Variants in FBLN2 observed in about 807,000 individuals in gnomAD.
FBLN2 encodes fibulin 2.
Under a neutral mutation model 123.7 loss-of-function variants are expected in FBLN2, and 81 were observed. The observed-to-expected ratio is 0.65, with a 90% confidence interval of 0.55 to 0.79. The LOEUF (loss-of-function observed/expected upper bound fraction) is 0.79, where lower values mean the gene tolerates loss of function less well. FBLN2 is among the 30% of genes least tolerant of loss of function. The pLI, the probability that FBLN2 is intolerant of heterozygous loss-of-function variation, is 0.00. For synonymous variants in FBLN2, 699 were observed against 701.4 expected (o/e 1.00, Z 0.05); for missense variants, 1,603 against 1,681.3 (o/e 0.95, Z 0.81).
chr3:13,577,817 G>C (rs537532309), intron 2 of FBLN2, among the ~76,000 whole-genome samples: 2 of 152,352 alleles, frequency 1.3e-5, no homozygotes, highest in African/African-American at 2.4e-5. Context: ...CACCAGCCCG[G>C]GGGCAGCTGG....
intron 2 of FBLN2, among the ~76,000 whole-genome samples, chr3:13,596,624 C>G (rs188920229): frequency 6.6e-6 from 1 of 152,292 alleles, no homozygotes; most frequent in Admixed American, 6.5e-5. Context: ...ATTACATCCA[C>G]CTCGTTGTGC....
chr3:13,612,394 C>G (rs1574982774), intron 4 of FBLN2, among the ~76,000 whole-genome samples: 1 of 141,844 alleles, frequency 7.1e-6, no homozygotes, highest in East Asian at 2.0e-4. Flanking sequence ...GTCTGTCTTT[C>G]TTTCTTGACG....
Position 13,614,040 on chromosome 3 carries a change from T to C in FBLN2, c.1605T>C (p.Cys535=). The C allele has an allele frequency of 6.2e-7, 1 of 1,613,656 alleles. No individual in the cohort carries two copies. The highest frequency in any genetic ancestry group is 8.5e-7 in the Non-Finnish European group (1 of 1,179,876). Residue 535 remains cysteine, a synonymous_variant, in exon 5 of 18, where the codon TGT becomes TGC. Coordinates refer to ENST00000404922, the MANE Select transcript of FBLN2 (RefSeq NM_001004019.2). ...GLRVRAEGQS[C]ESNPNLGYPC... ...GCGTGCGGGCCGAGGGCCAGTCGTG[T>C]GAGTCCAATCCTAACCTGGGCTATC...
In FBLN2 at chr3:13,609,612, C is replaced by A. The variant is rs1303491680; in HGVS notation, c.1518C>A (p.Asp506Glu). The A allele has an allele frequency of 6.4e-7, 1 of 1,557,906 alleles. No homozygotes were observed. The highest frequency in any genetic ancestry group is 2.4e-5 in the East Asian group (1 of 42,160). Reference sequence around the variant, plus strand: ...AGGGTGAGACCTGTGGGGCTGAGGACAACGACAGCTGCGGCATCTCCCTGT... The same window carrying A: ...AGGGTGAGACCTGTGGGGCTGAGGAAAACGACAGCTGCGGCATCTCCCTGT... ...AKEGETCGAE[D>E]NDSCGISLYK... Residue 506 changes from aspartate (D) to glutamate (E), a missense_variant, in exon 4 of 18, where the codon GAC (aspartate) becomes GAA (glutamate). Asp to Glu is a conservative substitution (Grantham distance 45). Transcript: ENST00000404922.
chr3:13,550,655 G>A (rs923868914), intron 1 of FBLN2, among the ~76,000 whole-genome samples: 1 of 152,148 alleles, frequency 6.6e-6, no homozygotes, highest in African/African-American at 2.4e-5. Flanking sequence ...GGGGCTCTGG[G>A]CCTTAACTTC....
At chr3:13,590,048 C>T (rs1484058959) in intron 2 of FBLN2, among the ~76,000 whole-genome samples, 1 of 152,220 alleles carries the variant, frequency 6.6e-6, no homozygotes, top group Non-Finnish European at 1.5e-5. Context: ...CCAGGCATTC[C>T]ACAGTCAAGA....
Position 13,629,718 on chromosome 3 carries a change from C to T in FBLN2, c.2843-102C>T, listed in dbSNP as rs941739714. On this transcript the variant is annotated intron_variant, in intron 13 of 17. Transcript: ENST00000404922. ...TCTCCCTGTCTTTCCTTCTGGGTCC[C>T]TCTCCCACTTAGCCTCCCCTTCGGC... The T allele has an allele frequency of 9.2e-4, 1,337 of 1,447,598 alleles. 1 individual carries two copies. Among genetic ancestry groups the T allele is most frequent in the Non-Finnish European group, 1.0e-3 (1,102 of 1,085,492 alleles). 89.7% of individuals were successfully genotyped at this position (1,447,598 alleles called of 1,614,324 possible). A position where few individuals can be genotyped will look rare whatever the true frequency, so the allele number is the denominator to read the frequency against.
intron 16 of FBLN2, among the ~76,000 whole-genome samples, chr3:13,633,666 G>T (rs1706341315): frequency 6.6e-6 from 1 of 152,220 alleles, no homozygotes; most frequent in Admixed American, 6.5e-5. Flanking sequence ...TTGGGGGAAA[G>T]AATGTGTTGG....
Position 13,614,099 on chromosome 3 carries a change from G to A in FBLN2, c.1664G>A (p.Gly555Asp), listed in dbSNP as rs781748559. ...CNHVMLSCCE[G>D]EEPLIVPEVR... ...CATGTCATGCTCTCCTGCTGTGAGGGTGAAGAGCCTCTCATAGTACCTGAG... is the reference window on the plus strand; with the variant it reads ...CATGTCATGCTCTCCTGCTGTGAGGATGAAGAGCCTCTCATAGTACCTGAG... The change falls in exon 5 of 18, where the codon GGT (glycine) becomes GAT (aspartate). Residue 555 changes from glycine to aspartate, a missense_variant. Coordinates refer to ENST00000404922, the MANE Select transcript of FBLN2 (RefSeq NM_001004019.2). The A allele has an allele frequency of 1.9e-6, 3 of 1,613,542 alleles. No individual in the cohort carries two copies. The highest frequency in any genetic ancestry group is 1.3e-5 in the African/African-American group (1 of 74,936).
intron 2 of FBLN2, among the ~76,000 whole-genome samples, chr3:13,601,806 T>G (rs988278658): frequency 6.6e-6 from 1 of 152,122 alleles, no homozygotes; most frequent in Non-Finnish European, 1.5e-5. Flanking sequence ...AGAGGGTTAT[T>G]TATTTGTTTC....
At position 13,629,201 on chromosome 3, in the gene FBLN2, T is replaced by C. The variant is rs1218200134; in HGVS notation, c.2751T>C (p.Gly917=). The change falls in exon 13 of 18, where the codon GGT becomes GGC. Residue 917 remains glycine, a synonymous_variant. Transcript: ENST00000404922. The stretch of plus-strand genomic sequence containing the variant: ...GTGAGACAGGTGTGCACCGCTGCGG[T>C]GAGGGCCAAGTGTGCCACAACCTCC... The part of the protein sequence containing the change: ...NECETGVHRC[G]EGQVCHNLPG... 1.9e-6 allele frequency: 3 copies of C among 1,613,258 alleles called. No homozygotes were observed. In the Admixed American group the frequency reaches 5.0e-5, roughly 27 times the overall value.
intron 2 of FBLN2, among the ~76,000 whole-genome samples, chr3:13,589,079 G>C (rs1418421737): frequency 6.6e-6 from 1 of 152,226 alleles, no homozygotes; most frequent in African/African-American, 2.4e-5. Flanking sequence ...CACACTTTTA[G>C]TGCCTTGCAA....
chr3:13,572,633 C>G (rs887230523), intron 2 of FBLN2, among the ~76,000 whole-genome samples: 3 of 152,272 alleles, frequency 2.0e-5, no homozygotes, highest in African/African-American at 7.2e-5. Context: ...CGGCCCAGGC[C>G]TCTTCTTGCC....
chr3:13,602,754 T>C (rs1574974459), intron 2 of FBLN2, among the ~76,000 whole-genome samples: 1 of 152,206 alleles, frequency 6.6e-6, no homozygotes, highest in African/African-American at 2.4e-5. Flanking sequence ...TGTTTTTGGC[T>C]ATTGTATTAT....
At chr3:13,603,115 G>A (rs1705090279) in intron 2 of FBLN2, among the ~76,000 whole-genome samples, 1 of 151,778 alleles carries the variant, frequency 6.6e-6, no homozygotes, top group Non-Finnish European at 1.5e-5. Context: ...GTTTCATTAT[G>A]TTGGCTAGGC....
At chr3:13,620,121 C>T (rs746851979) in intron 8 of FBLN2, among the ~76,000 whole-genome samples, 2 of 152,088 alleles carry the variant, frequency 1.3e-5, no homozygotes, top group Non-Finnish European at 2.9e-5. Flanking sequence ...CTTCTCCTGC[C>T]GAGTGTGCAC....
In FBLN2 at chr3:13,627,925, G is replaced by A. The variant is rs543602960; in HGVS notation, c.2525G>A (p.Arg842His). The A allele has an allele frequency of 3.4e-5, 55 of 1,613,778 alleles. No individual in the cohort carries two copies. The highest frequency in any genetic ancestry group is 4.2e-5 in the Non-Finnish European group (49 of 1,179,810). The change falls in exon 11 of 18, where the codon CGC becomes CAC. Residue 842 changes from arginine (R) to histidine (H), a missense_variant. By Grantham distance (29) the Arg-to-His change is conservative. Transcript: ENST00000404922. ...TCCTTCTACTGCCAGGCCAGGCAGCGCTGCATGGATGGCTTCCTGCAGGAT... is the reference window on the plus strand; with the variant it reads ...TCCTTCTACTGCCAGGCCAGGCAGCACTGCATGGATGGCTTCCTGCAGGAT... ...KGSFYCQARQRCMDGFLQDPE... is the reference protein window; with the variant it reads ...KGSFYCQARQHCMDGFLQDPE...
At chr3:13,579,325 T>G (rs926978042) in intron 2 of FBLN2, among the ~76,000 whole-genome samples, 11 of 152,218 alleles carry the variant, frequency 7.2e-5, no homozygotes. Context: ...CATCACACTG[T>G]CATGTAGTCT....
At chr3:13,625,290 G>C (rs1705997960) in intron 9 of FBLN2, among the ~76,000 whole-genome samples, 1 of 152,128 alleles carries the variant, frequency 6.6e-6, no homozygotes, top group South Asian at 2.1e-4. Context: ...CTGAGCCTCT[G>C]TGGCTCCCCA....
Sources: gnomAD v4.1 joint callset for allele counts (sites outside exome capture counted in the v4.1 genomes callset) on GRCh38, gnomAD v4.1.1 for gene constraint, MANE v1.5 for transcripts, NCBI Gene and HGNC (gene_info 2026-07-23, HGNC 2026-07-21) for gene names.